Variants in PSMD7 observed in about 807,000 individuals in gnomAD.
PSMD7 encodes 26S proteasome non-ATPase regulatory subunit 7.
In PSMD7, 13 loss-of-function variants were observed where a neutral mutation model predicts 36.4. That is an observed-to-expected ratio of 0.36 (90% confidence interval 0.23 to 0.57). The LOEUF (loss-of-function observed/expected upper bound fraction) is 0.57. Ranked by LOEUF, PSMD7 falls within the 20% of genes least tolerant of loss-of-function variation. PSMD7 has a pLI of 0.83. For synonymous variants in PSMD7, 186 were observed against 151.0 expected, an observed-to-expected ratio of 1.23 and a Z score of -1.70; for missense variants, 298 against 393.6, an observed-to-expected ratio of 0.76 and a Z score of 2.06.
At chr16:74,300,252 G>C in intron 2 of PSMD7, 46 bp downstream of exon 2, 1 of 1,519,706 alleles carries the variant, frequency 6.6e-7, no homozygotes, top group Non-Finnish European at 9.1e-7. Context: ...TAAAATGTCA[G>C]TTTACCCTTT....
rs534891413 is a variant in PSMD7, at chr16:74,303,237, A to G, written c.438+945A>G. Among the ~76,000 whole-genome samples, 9 of 152,380 alleles carry G rather than the reference A, an allele frequency of 5.9e-5. No individual in the cohort carries two copies. In the South Asian group the frequency reaches 1.9e-3, roughly 32 times the overall value. The stretch of plus-strand genomic sequence containing the variant: ...CCTGGCATCCAAAGCAAAGAGGAGA[A>G]TGCCCCTTGCAGGATTAACACTATC... On this transcript the variant is annotated intron_variant, in intron 5 of 6. Transcript: ENST00000219313.
intron 2 of PSMD7, chr16:74,300,500 A>G (rs947252593): frequency 3.4e-5 from 14 of 410,688 alleles, no homozygotes; most frequent in Non-Finnish European, 5.4e-5. Flanking sequence ...CTCTATAAAA[A>G]CAGGCAGCTG....
chr16:74,299,979 C>T, intron 1 of PSMD7, 136 bp from the exon 2 acceptor site: 1 of 755,142 alleles, frequency 1.3e-6, no homozygotes, highest in Non-Finnish European at 2.3e-6. Flanking sequence ...AACCCTATTA[C>T]ATTGGTTTAG....
At chr16:74,304,843 G>A (rs1034660699) in intron 6 of PSMD7, 1 of 169,044 alleles carries the variant, frequency 5.9e-6, no homozygotes, top group African/African-American at 2.4e-5. Flanking sequence ...CAGTCAATGA[G>A]GTTCCTTCTA....
At chr16:74,299,727 G>C (rs2034141440) in intron 1 of PSMD7, 4 of 320,670 alleles carry the variant, frequency 1.2e-5, no homozygotes, top group Non-Finnish European at 2.5e-5. Context: ...AAAGATTTCA[G>C]GATGGGAAAA....
chr16:74,304,230 CAG>C (rs1338832187), intron 5 of PSMD7, 71 bp from the exon 6 acceptor site: 97 of 1,340,628 alleles, frequency 7.2e-5, no homozygotes, highest in East Asian at 3.9e-4. Context: ...GCAAAAGACT[CAG>C]GGTGCGAAAA....
chr16:74,298,350 C>T (rs1428008711), intron 1 of PSMD7, among the ~76,000 whole-genome samples: 1 of 152,066 alleles, frequency 6.6e-6, no homozygotes, highest in Non-Finnish European at 1.5e-5. Context: ...GTTGAATTGG[C>T]AAATGTAAAG....
rs754415561 is a variant in PSMD7, at chr16:74,306,026, CATTT to C, written c.*296_*299del. 3.6e-4 allele frequency: 87 copies of C among 240,174 alleles called. No homozygotes were observed. Among genetic ancestry groups the C allele is most frequent in the Middle Eastern group, 1.3e-3 (1 of 774 alleles). 14.9% of individuals were successfully genotyped at this position (240,174 alleles called of 1,614,324 possible). The stretch of plus-strand genomic sequence containing the variant: ...AACAAATATTTTGGTACTCTTCATT[CATTT>C]ATCTCTAAAACCAGGAGTTGAATTT... On this transcript the variant is annotated 3_prime_UTR_variant, in exon 7 of 7. Coordinates refer to ENST00000219313, the MANE Select transcript of PSMD7 (RefSeq NM_002811.5).
chr16:74,303,609 G>A (rs2034172823), intron 5 of PSMD7, among the ~76,000 whole-genome samples: 1 of 152,052 alleles, frequency 6.6e-6, no homozygotes, highest in South Asian at 2.1e-4. Flanking sequence ...GCATTGGTTT[G>A]GGCACTGTGG....
rs2034151322 is a variant in PSMD7, at chr16:74,301,033, C to CA, written c.167-19_167-18insA. The CA allele has an allele frequency of 6.5e-6, 10 of 1,544,170 alleles. No homozygotes were observed. In the African/African-American group the frequency reaches 9.5e-5, roughly 15 times the overall value. On this transcript the variant is annotated intron_variant, in intron 2 of 6. Transcript: ENST00000219313. ...GTTTCTATCAAGCACCCTAAACTAA[C>CA]TTTTTTTTTCCTCTTTAGTTCCTTT... is the stretch of plus-strand genomic sequence containing the variant.
chr16:74,300,445 A>C, intron 2 of PSMD7: 1 of 527,528 alleles, frequency 1.9e-6, no homozygotes, highest in South Asian at 2.3e-5. Context: ...AAGAGCTGCT[A>C]TAGACAACAT....
rs768806601 is a variant in PSMD7 at position 74,302,207 on chromosome 16, G to T, written c.358-5G>T. The stretch of plus-strand genomic sequence containing the variant: ...ATGACTTGCTAAGATGTGTTTCTCT[G>T]CCAGGTATTGGTCATCATTGATGTG... On this transcript the variant is annotated splice_region_variant and splice_polypyrimidine_tract_variant and intron_variant, in intron 4 of 6. Coordinates refer to ENST00000219313, the MANE Select transcript of PSMD7 (RefSeq NM_002811.5). The T allele has an allele frequency of 6.2e-6, 10 of 1,613,026 alleles. No homozygotes were observed. Among genetic ancestry groups the T allele is most frequent in the Non-Finnish European group, 7.6e-6 (9 of 1,179,594 alleles).
Position 74,302,273 on chromosome 16 carries a change from C to G in PSMD7, c.419C>G (p.Ser140Ter). ...DLGLPTEAYISVEEVHDDGTP... is the reference protein window; with the variant it reads ...DLGLPTEAYI ...GGGCTGCCTACAGAAGCGTACATTT[C>G]AGTGGAAGAAGTCCATGATGTAAGT... The change falls in exon 5 of 7, where the codon TCA becomes TGA. Residue 140 changes from serine to a stop codon, truncating the protein, a stop_gained. Coordinates refer to ENST00000219313, the MANE Select transcript of PSMD7 (RefSeq NM_002811.5). LOFTEE classifies it high-confidence loss of function. 6.2e-7 allele frequency: 1 copy of G among 1,613,934 alleles called. No individual in the cohort carries two copies. Among genetic ancestry groups the G allele is most frequent in the Non-Finnish European group, 8.5e-7 (1 of 1,179,934 alleles).
chr16:74,303,438 T>C (rs1316847848), intron 5 of PSMD7, among the ~76,000 whole-genome samples: 1 of 152,146 alleles, frequency 6.6e-6, no homozygotes, highest in Admixed American at 6.5e-5. Flanking sequence ...TACAGACAGT[T>C]TACAGCCTTT....
intron 5 of PSMD7, chr16:74,304,059 A>T: frequency 2.6e-6 from 1 of 381,562 alleles, no homozygotes; most frequent in Non-Finnish European, 4.9e-6. Context: ...GGCTTGAGGG[A>T]ATTTCCAGAT....
chr16:74,300,061 G>T, intron 1 of PSMD7, 54 bp from the exon 2 acceptor site: 1 of 1,440,570 alleles, frequency 6.9e-7, no homozygotes. Context: ...CTTATTGTTG[G>T]GTTCATGTTT....
chr16:74,301,696 C>T (rs1355756891), intron 4 of PSMD7, 44 bp downstream of exon 4: 3 of 1,507,832 alleles, frequency 2.0e-6, no homozygotes. Context: ...ATTTTTTTTG[C>T]CAGCCAGCTC....
At chr16:74,298,172 A>G (rs2034128573) in intron 1 of PSMD7, among the ~76,000 whole-genome samples, 2 of 151,600 alleles carry the variant, frequency 1.3e-5, no homozygotes, top group Admixed American at 1.3e-4. Flanking sequence ...AAAAAAAAAA[A>G]AAAAGACCAG....
At chr16:74,297,438 AC>A (rs1318331721) in intron 1 of PSMD7, among the ~76,000 whole-genome samples, 4 of 150,970 alleles carry the variant, frequency 2.6e-5, no homozygotes, top group Non-Finnish European at 5.9e-5. Flanking sequence ...TTTGGCTCTG[AC>A]CCCCGACCCC....
Sources: gnomAD v4.1 joint callset for allele counts (sites outside exome capture counted in the v4.1 genomes callset) on GRCh38, gnomAD v4.1.1 for gene constraint, MANE v1.5 for transcripts, NCBI Gene and HGNC (gene_info 2026-07-23, HGNC 2026-07-21) for gene names.